SDK1: variants seen among roughly 807,000 people sequenced by gnomAD.
SDK1 encodes the protein sidekick cell adhesion molecule 1.
SDK1 carries 157 observed loss-of-function variants against 245.5 expected under a neutral mutation model. The ratio of observed to expected loss-of-function variants is 0.64; its 90% CI spans 0.56 to 0.73. The LOEUF is 0.73. Ranked by LOEUF, SDK1 falls within the 30% of genes least tolerant of loss-of-function variation. SDK1 has a pLI of 0.00. For synonymous variants in SDK1, 1,647 were observed against 1,278.5 expected, an observed-to-expected ratio of 1.29 and a Z score of -6.15; for missense variants, 3,583 against 3,002.3, an observed-to-expected ratio of 1.19 and a Z score of -4.52.
chr7:4,206,506 G>A (rs117340674), intron 36 of SDK1, among the ~76,000 whole-genome samples: 2,000 of 152,300 alleles, frequency 0.013, 24 homozygotes, highest in Non-Finnish European at 0.021. Context: ...GAGGTCCCTG[G>A]GAACCCTGCT....
chr7:3,331,483 A>G (rs1780067850), intron 1 of SDK1, among the ~76,000 whole-genome samples: 1 of 152,190 alleles, frequency 6.6e-6, no homozygotes, highest in South Asian at 2.1e-4. Context: ...CCCGTTTTTT[A>G]CATTAGTTGT....
At chr7:3,617,425 C>T (rs1781804575) in intron 1 of SDK1, among the ~76,000 whole-genome samples, 1 of 152,046 alleles carries the variant, frequency 6.6e-6, no homozygotes, top group Non-Finnish European at 1.5e-5. Context: ...CTTTAGTTAA[C>T]CTGAAGGATG....
At chr7:3,983,869 G>T (rs932689644) in intron 13 of SDK1, among the ~76,000 whole-genome samples, 8 of 152,166 alleles carry the variant, frequency 5.3e-5, no homozygotes, top group African/African-American at 1.4e-4. Context: ...TTGAGCCAAT[G>T]GAGTGACTTC....
At chr7:3,357,776 G>T (rs899293325) in intron 1 of SDK1, among the ~76,000 whole-genome samples, 1 of 152,088 alleles carries the variant, frequency 6.6e-6, no homozygotes, top group Non-Finnish European at 1.5e-5. Flanking sequence ...CCCAGTGACA[G>T]TATCTTCTCA....
At chr7:3,446,725 C>G (rs1244137296) in intron 1 of SDK1, among the ~76,000 whole-genome samples, 2 of 152,046 alleles carry the variant, frequency 1.3e-5, no homozygotes, top group Admixed American at 1.3e-4. Context: ...AATTCAATCC[C>G]TAACAAATAA....
chr7:3,721,926 T>C (rs1481723279), intron 4 of SDK1, among the ~76,000 whole-genome samples: 3 of 152,212 alleles, frequency 2.0e-5, no homozygotes, highest in Non-Finnish European at 4.4e-5. Flanking sequence ...AGTAAATTAT[T>C]TTCCTTTCCT....
intron 5 of SDK1, among the ~76,000 whole-genome samples, chr7:3,866,663 C>T (rs1780828692): frequency 6.6e-6 from 1 of 152,076 alleles, no homozygotes; most frequent in Non-Finnish European, 1.5e-5. Flanking sequence ...ATCCATGGAC[C>T]ACAGATTAAT....
At chr7:4,019,209 C>G (rs1229741290) in intron 17 of SDK1, among the ~76,000 whole-genome samples, 1 of 152,178 alleles carries the variant, frequency 6.6e-6, no homozygotes, top group East Asian at 1.9e-4. Context: ...TACAGCAGGG[C>G]AAGTTTCATT....
intron 4 of SDK1, among the ~76,000 whole-genome samples, chr7:3,731,698 C>G (rs546302268): frequency 2.6e-5 from 4 of 152,254 alleles, no homozygotes; most frequent in African/African-American, 9.6e-5. Flanking sequence ...TCCAATACAG[C>G]ATGTTCAGAA....
At chr7:3,745,502 C>G (rs780415000) in intron 4 of SDK1, among the ~76,000 whole-genome samples, 2 of 151,818 alleles carry the variant, frequency 1.3e-5, no homozygotes, top group African/African-American at 4.9e-5. Context: ...AAACGTTACT[C>G]AGTTTTCACT....
chr7:3,600,053 C>T (rs560476371), intron 1 of SDK1, among the ~76,000 whole-genome samples: 3 of 152,244 alleles, frequency 2.0e-5, no homozygotes, highest in African/African-American at 7.2e-5. Flanking sequence ...GTCTTTAATT[C>T]TATGGACATG....
chr7:3,629,380 C>T (rs1268101650), intron 2 of SDK1, among the ~76,000 whole-genome samples: 1 of 151,990 alleles, frequency 6.6e-6, no homozygotes, highest in Non-Finnish European at 1.5e-5. Context: ...AGAGGGTCCC[C>T]CTTTAATATT....
chr7:3,763,065 A>G (rs954933668), intron 4 of SDK1, among the ~76,000 whole-genome samples: 1 of 152,198 alleles, frequency 6.6e-6, no homozygotes, highest in Non-Finnish European at 1.5e-5. Flanking sequence ...CTGTGTCAAC[A>G]TAGGACATTA....
intron 1 of SDK1, among the ~76,000 whole-genome samples, chr7:3,446,361 C>G (rs919086077): frequency 1.3e-5 from 2 of 152,112 alleles, no homozygotes; most frequent in Admixed American, 6.5e-5. Context: ...TGAACCAAGG[C>G]TTGTGTGCAT....
rs188862714 is a variant in SDK1 at position 3,626,972 on chromosome 7, C to T, written c.458+7733C>T. Among the ~76,000 whole-genome samples the T allele has an allele frequency of 2.5e-3, 376 of 151,892 alleles. 3 individuals are homozygous for T. The highest frequency in any genetic ancestry group is 0.018 in the South Asian group (85 of 4,794). On this transcript the variant is annotated intron_variant, in intron 2 of 44. Coordinates refer to ENST00000404826, the MANE Select transcript of SDK1 (RefSeq NM_152744.4). ...AGACGGGGTCTTGCTTTGTTGCCCA[C>T]GCTGGAGTACAGTGGCACAGTCATA... is the stretch of plus-strand genomic sequence containing the variant.
chr7:3,860,985 C>T (rs1780675843), intron 5 of SDK1, among the ~76,000 whole-genome samples: 1 of 152,146 alleles, frequency 6.6e-6, no homozygotes, highest in African/African-American at 2.4e-5. Context: ...GTCTTCTGGG[C>T]AGCTGTCCCC....
chr7:4,178,278 T>G (rs904998241), intron 34 of SDK1, among the ~76,000 whole-genome samples: 2 of 152,112 alleles, frequency 1.3e-5, no homozygotes, highest in Admixed American at 1.3e-4. Context: ...GGTACGTCTT[T>G]TGCTTAATGG....
chr7:3,733,754 G>T (rs1332037525), intron 4 of SDK1, among the ~76,000 whole-genome samples: 21 of 152,202 alleles, frequency 1.4e-4, no homozygotes, highest in Admixed American at 1.3e-3. Context: ...GCTTCTCTCT[G>T]TTGTACTTAA....
intron 4 of SDK1, among the ~76,000 whole-genome samples, chr7:3,756,839 C>T (rs1267178982): frequency 1.3e-5 from 2 of 152,150 alleles, no homozygotes; most frequent in East Asian, 1.9e-4. Flanking sequence ...AAGAATCCCA[C>T]AGGGGTAAAG....
Sources: allele counts gnomAD v4.1 joint callset (sites outside exome capture counted in the v4.1 genomes callset), GRCh38; gene constraint gnomAD v4.1.1; transcripts MANE v1.5; gene names NCBI Gene and HGNC (gene_info 2026-07-23, HGNC 2026-07-21).